The following MAPK10 variants were observed in gnomAD, a reference collection of about 807,000 sequenced individuals.
MAPK10 encodes mitogen-activated protein kinase 10.
In MAPK10, 25 loss-of-function variants were observed where a neutral mutation model predicts 59.3. The observed-to-expected ratio is 0.42, with a 90% CI of 0.31 to 0.59. MAPK10 has a LOEUF of 0.59. Among genes scored for constraint, MAPK10 ranks in the 20% least tolerant of loss-of-function variants. MAPK10 has a pLI of 0.15. For missense variants in MAPK10, 351 were observed against 568.9 expected (o/e 0.62, Z 3.90); for synonymous variants, 190 against 200.5 (o/e 0.95, Z 0.44).
chr4:86,404,155 A>G (rs1410540682), intron 1 of MAPK10, among the ~76,000 whole-genome samples: 1 of 152,012 alleles, frequency 6.6e-6, no homozygotes, highest in Non-Finnish European at 1.5e-5. Context: ...TTGAATTCCT[A>G]GTCAAGTTTT....
intron 12 of MAPK10, among the ~76,000 whole-genome samples, chr4:86,030,308 T>C (rs1015343353): frequency 6.6e-6 from 1 of 152,044 alleles, no homozygotes; most frequent in Non-Finnish European, 1.5e-5. Flanking sequence ...TCTTTTAAAA[T>C]TTTTTTATTT....
intron 1 of MAPK10, among the ~76,000 whole-genome samples, chr4:86,407,404 AG>A (rs1378667411): frequency 6.6e-6 from 1 of 152,184 alleles, no homozygotes; most frequent in Non-Finnish European, 1.5e-5. Context: ...TACTTACAGG[AG>A]AAAAAAAGAT....
chr4:86,332,881 A>G (rs2096187017), intron 2 of MAPK10, among the ~76,000 whole-genome samples: 2 of 152,204 alleles, frequency 1.3e-5, no homozygotes, highest in African/African-American at 4.8e-5. Context: ...GTTTCTGGCC[A>G]TAGGTTTTGC....
At chr4:86,060,463 T>TA (rs931944012) in intron 11 of MAPK10, among the ~76,000 whole-genome samples, 1 of 152,190 alleles carries the variant, frequency 6.6e-6, no homozygotes, top group Non-Finnish European at 1.5e-5. Flanking sequence ...GAGAAATAGT[T>TA]AATCAACTCT....
At chr4:86,515,625 G>A (rs1756593151) in intron 1 of MAPK10, among the ~76,000 whole-genome samples, 1 of 151,922 alleles carries the variant, frequency 6.6e-6, no homozygotes, top group African/African-American at 2.4e-5. Context: ...TTGGACATTT[G>A]AATATCTTCT....
At chr4:86,503,806 T>C (rs905274171) in intron 1 of MAPK10, among the ~76,000 whole-genome samples, 5 of 152,244 alleles carry the variant, frequency 3.3e-5, no homozygotes, top group East Asian at 1.9e-4. Context: ...CAAGATCCTA[T>C]ATAATATGGC....
At chr4:86,575,931 T>A (rs542413464) in intron 1 of MAPK10, among the ~76,000 whole-genome samples, 4 of 151,976 alleles carry the variant, frequency 2.6e-5, no homozygotes, top group Admixed American at 6.5e-5. Flanking sequence ...AGTATCACTG[T>A]CACCTTCAAA....
chr4:86,281,944 A>G (rs1225000185), intron 2 of MAPK10, among the ~76,000 whole-genome samples: 2 of 152,160 alleles, frequency 1.3e-5, no homozygotes, highest in African/African-American at 4.8e-5. Context: ...TTAATGGATG[A>G]CTTTTAATAA....
At chr4:86,159,861 G>A (rs913956563) in intron 3 of MAPK10, among the ~76,000 whole-genome samples, 1 of 151,714 alleles carries the variant, frequency 6.6e-6, no homozygotes, top group Non-Finnish European at 1.5e-5. Context: ...ATGATCACTG[G>A]TCACCCATTA....
At chr4:86,207,557 A>G (rs1258327205) in intron 2 of MAPK10, among the ~76,000 whole-genome samples, 3 of 152,054 alleles carry the variant, frequency 2.0e-5, no homozygotes, top group African/African-American at 7.2e-5. Flanking sequence ...TATGAACTTT[A>G]AAGTAGTTTT....
At chr4:86,481,718 C>T (rs986889577) in intron 1 of MAPK10, among the ~76,000 whole-genome samples, 13 of 152,140 alleles carry the variant, frequency 8.5e-5, no homozygotes, top group African/African-American at 4.8e-5. Flanking sequence ...AAGGCAAGTA[C>T]GTACTGCTAG....
At chr4:86,481,208 C>T (rs1025973935) in intron 1 of MAPK10, among the ~76,000 whole-genome samples, 13 of 152,132 alleles carry the variant, frequency 8.5e-5, no homozygotes, top group Middle Eastern at 3.4e-3. Context: ...TATGGCTTAC[C>T]GTGGGGAAGA....
chr4:86,387,039 G>A (rs1224119859), intron 1 of MAPK10, among the ~76,000 whole-genome samples: 1 of 152,144 alleles, frequency 6.6e-6, no homozygotes, highest in African/African-American at 2.4e-5. Flanking sequence ...TAAAAATCAA[G>A]GAGATGGAAA....
chr4:86,169,240 A>T (rs180943684), intron 3 of MAPK10, among the ~76,000 whole-genome samples: 523 of 152,350 alleles, frequency 3.4e-3, no homozygotes, highest in African/African-American at 0.011. Context: ...TTGAGAGAAG[A>T]AGGCTACAGA....
intron 1 of MAPK10, among the ~76,000 whole-genome samples, chr4:86,382,908 T>C (rs535128507): frequency 1.3e-5 from 2 of 152,338 alleles, no homozygotes; most frequent in Non-Finnish European, 2.9e-5. Flanking sequence ...CTTCTACTCT[T>C]GACTTGCTGT....
intron 1 of MAPK10, among the ~76,000 whole-genome samples, chr4:86,431,393 A>T (rs2149041026): frequency 6.6e-6 from 1 of 152,348 alleles, no homozygotes; most frequent in East Asian, 1.9e-4. Flanking sequence ...TATTGACAAC[A>T]TTGAGGGTCC....
chr4:86,218,077 T>C (rs1319667952), intron 2 of MAPK10, among the ~76,000 whole-genome samples: 1 of 152,186 alleles, frequency 6.6e-6, no homozygotes, highest in East Asian at 1.9e-4. Flanking sequence ...ACAGTATCTA[T>C]TCTGAGTGAG....
upstream of MAPK10, among the ~76,000 whole-genome samples, chr4:86,363,697 G>T (rs897150117): frequency 2.0e-5 from 3 of 151,988 alleles, no homozygotes; most frequent in African/African-American, 7.2e-5. Context: ...CATTATTGTT[G>T]ACTATAGTCA....
rs563560875 is a variant in MAPK10, at chr4:86,558,067, T to C, written c.-263+35843A>G. On this transcript the variant is annotated intron_variant, in intron 1 of 4. Coordinates refer to the MAPK10 transcript ENST00000502302. ...TGCAACAAACACCTAATTAGTTTAC[T>C]AATACATACAGAGGTGAAACAAAAA... is the stretch of plus-strand genomic sequence containing the variant. Among the ~76,000 whole-genome samples the C allele has an allele frequency of 2.6e-4, 39 of 152,264 alleles. No homozygotes were observed. The South Asian group carries it at 8.1e-3, about 32-fold the overall frequency.
Sources: gnomAD v4.1 joint callset for allele counts (sites outside exome capture counted in the v4.1 genomes callset) on GRCh38, gnomAD v4.1.1 for gene constraint, MANE v1.5 for transcripts, NCBI Gene and HGNC (gene_info 2026-07-23, HGNC 2026-07-21) for gene names.